The following SEPHS1 variants were observed in gnomAD, a reference collection of about 807,000 sequenced individuals.
SEPHS1 encodes zincore component SEPHS1.
Under a neutral mutation model 39.2 loss-of-function variants are expected in SEPHS1, and 7 were observed. The ratio of observed to expected loss-of-function variants is 0.18; its 90% CI spans 0.10 to 0.34. The LOEUF (loss-of-function observed/expected upper bound fraction) is 0.34, where lower values mean the gene tolerates loss of function less well. Among genes scored for constraint, SEPHS1 ranks in the 10% least tolerant of loss-of-function variants. The pLI, the probability that SEPHS1 is intolerant of heterozygous loss-of-function variation, is 1.00. For synonymous variants in SEPHS1, 190 were observed against 195.5 expected (o/e 0.97, Z 0.23); for missense variants, 253 against 514.5 (o/e 0.49, Z 4.92).
At chr10:13,322,521 T>G (rs549977047) in intron 8 of SEPHS1, among the ~76,000 whole-genome samples, 1 of 152,178 alleles carries the variant, frequency 6.6e-6, no homozygotes, top group Admixed American at 6.5e-5. Context: ...CAAAGTAACC[T>G]AGGGGTATTA....
In SEPHS1 at chr10:13,317,715, T is replaced by TGA. The variant is rs1420327698; in HGVS notation, c.*1426_*1427insTC. The TGA allele has an allele frequency of 6.6e-6, 1 of 152,248 alleles. No individual in the cohort carries two copies. The highest frequency in any genetic ancestry group is 1.5e-5 in the Non-Finnish European group (1 of 68,068). 9.4% of individuals were successfully genotyped at this position (152,248 alleles called of 1,614,324 possible). On this transcript the variant is annotated 3_prime_UTR_variant, in exon 9 of 9. Transcript: ENST00000327347. Reference sequence around the variant, plus strand: ...CTTTGGCAAGAAGTCAGTTTACATGTGCAGCTTTGGTGCCTGTGAGCAGAA... The same window carrying TGA: ...CTTTGGCAAGAAGTCAGTTTACATGTGAGCAGCTTTGGTGCCTGTGAGCAGAA...
intron 6 of SEPHS1, 50 bp from the exon 7 acceptor site, chr10:13,328,500 A>C (rs1231378323): frequency 7.8e-7 from 1 of 1,287,554 alleles, no homozygotes; most frequent in Admixed American, 1.9e-5. Context: ...AAATGTGATT[A>C]ATCTTTACTT....
chr10:13,328,252 A>C, intron 7 of SEPHS1, 99 bp downstream of exon 7: 2 of 788,220 alleles, frequency 2.5e-6, no homozygotes, highest in Non-Finnish European at 4.2e-6. Context: ...CTGGCCAAAA[A>C]TCTGGCCACC....
At chr10:13,340,114 G>T (rs909840064) in intron 2 of SEPHS1, among the ~76,000 whole-genome samples, 1 of 152,140 alleles carries the variant, frequency 6.6e-6, no homozygotes, top group African/African-American at 2.4e-5. Context: ...CTGCGTAAGT[G>T]AAAGGGCCGT....
At chr10:13,347,571 C>T (rs904509368) in intron 1 of SEPHS1, among the ~76,000 whole-genome samples, 2 of 146,580 alleles carry the variant, frequency 1.4e-5, no homozygotes, top group African/African-American at 4.9e-5. Context: ...GCACCCGCCC[C>T]GGGTCGACAG....
intron 4 of SEPHS1, 36 bp downstream of exon 4, chr10:13,336,207 C>T (rs1371482806): frequency 4.1e-6 from 6 of 1,464,696 alleles, no homozygotes; most frequent in South Asian, 2.3e-5. Flanking sequence ...ACCGGGACAA[C>T]ACGGACCAGG....
intron 7 of SEPHS1, among the ~76,000 whole-genome samples, chr10:13,326,268 G>A (rs1833286815): frequency 6.6e-6 from 1 of 152,082 alleles, no homozygotes; most frequent in Admixed American, 6.5e-5. Context: ...AAGGTCAGGG[G>A]TTCAAGACTA....
At chr10:13,328,966 G>A (rs1320211292) in intron 6 of SEPHS1, among the ~76,000 whole-genome samples, 2 of 152,190 alleles carry the variant, frequency 1.3e-5, no homozygotes, top group Non-Finnish European at 2.9e-5. Flanking sequence ...GCGACATCAA[G>A]CTAAGATATA....
At chr10:13,322,734 C>A in intron 8 of SEPHS1, 101 bp downstream of exon 8, 12 of 1,129,222 alleles carry the variant, frequency 1.1e-5, no homozygotes, top group Non-Finnish European at 1.3e-5. Flanking sequence ...GCATGGAACT[C>A]GAACAGAGTG....
intron 8 of SEPHS1, 95 bp downstream of exon 8, chr10:13,322,740 G>C: frequency 4.2e-6 from 5 of 1,192,308 alleles, no homozygotes; most frequent in Non-Finnish European, 6.0e-6. Context: ...AACTCGAACA[G>C]AGTGGGGGCC....
In SEPHS1 at chr10:13,323,051, GGAGA is replaced by G. The variant is rs749026563; in HGVS notation, c.752-8_752-5del. On this transcript the variant is annotated splice_polypyrimidine_tract_variant and splice_region_variant and intron_variant, in intron 7 of 8. Coordinates refer to ENST00000327347, the MANE Select transcript of SEPHS1 (RefSeq NM_012247.5). ...AACGTGTGCATGAGTCCTGCAGCTG[GGAGA>G]GAGAGGGGGCGGCTCTGAGAAAAAA... The G allele has an allele frequency of 6.2e-7, 1 of 1,613,388 alleles. No homozygotes were observed.
rs1832977058 is a variant in SEPHS1 at position 13,317,523 on chromosome 10, CCAAT to C, written c.*1615_*1618del. The stretch of plus-strand genomic sequence containing the variant: ...ATCTCTATCAATTCCTATAAAATGT[CCAAT>C]CACTTTCAGTTCCGTAGCAGGCTCT... On this transcript the variant is annotated 3_prime_UTR_variant, in exon 9 of 9. Coordinates refer to ENST00000327347, the MANE Select transcript of SEPHS1 (RefSeq NM_012247.5). 6.6e-6 allele frequency: 1 copy of C among 152,130 alleles called. No homozygotes were observed. The highest frequency in any genetic ancestry group is 1.5e-5 in the Non-Finnish European group (1 of 68,068). The allele number at this position is 152,130 out of a possible 1,614,324, so 9.4% of individuals were successfully genotyped here. A position where few individuals can be genotyped will look rare whatever the true frequency, so the allele number is the denominator to read the frequency against.
At chr10:13,320,461 G>T (rs1340998029) in intron 8 of SEPHS1, among the ~76,000 whole-genome samples, 1 of 151,964 alleles carries the variant, frequency 6.6e-6, no homozygotes, top group Admixed American at 6.6e-5. Context: ...GATTACAGGC[G>T]TGAGCCACTG....
chr10:13,342,618 T>A (rs906151429), intron 2 of SEPHS1, among the ~76,000 whole-genome samples: 1 of 152,104 alleles, frequency 6.6e-6, no homozygotes, highest in African/African-American at 2.4e-5. Context: ...AAAACACCCA[T>A]ACATATATAC....
rs374556965 is a variant in SEPHS1, at chr10:13,336,224, C to A, written c.405+19G>T. The A allele has an allele frequency of 4.5e-6, 7 of 1,555,228 alleles. No individual in the cohort carries two copies. The highest frequency in any genetic ancestry group is 6.2e-6 in the Non-Finnish European group (7 of 1,127,704). ...CGGGACAACACGGACCAGGCAGCAG[C>A]CGGGTAGCTCCTACTTACCCTGTCG... On this transcript the variant is annotated intron_variant, in intron 4 of 8. Coordinates refer to ENST00000327347, the MANE Select transcript of SEPHS1 (RefSeq NM_012247.5).
chr10:13,325,959 A>T (rs35635684), intron 7 of SEPHS1, among the ~76,000 whole-genome samples: 17,604 of 107,848 alleles, frequency 0.16, 1,949 homozygotes, highest in Middle Eastern at 0.29. Flanking sequence ...AAAAAAAAAA[A>T]AAAAATAATA....
chr10:13,340,152 C>A (rs1833745195), intron 2 of SEPHS1, among the ~76,000 whole-genome samples: 1 of 152,098 alleles, frequency 6.6e-6, no homozygotes, highest in Admixed American at 6.6e-5. Flanking sequence ...GGTCTCATGA[C>A]AGCAGCAGAC....
intron 7 of SEPHS1, among the ~76,000 whole-genome samples, chr10:13,324,101 C>G (rs1230078766): frequency 2.0e-5 from 3 of 152,202 alleles, no homozygotes; most frequent in Non-Finnish European, 4.4e-5. Context: ...CCTTCCTCTC[C>G]GATAACCTCT....
At chr10:13,329,164 T>A (rs1833393564) in intron 6 of SEPHS1, among the ~76,000 whole-genome samples, 1 of 152,172 alleles carries the variant, frequency 6.6e-6, no homozygotes, top group Non-Finnish European at 1.5e-5. Context: ...TATAGCTCAC[T>A]GGAAAAATGA....
Sources: gnomAD v4.1 joint callset for allele counts (sites outside exome capture counted in the v4.1 genomes callset) on GRCh38, gnomAD v4.1.1 for gene constraint, MANE v1.5 for transcripts, NCBI Gene and HGNC (gene_info 2026-07-23, HGNC 2026-07-21) for gene names.